Variants in CMYA5 observed in about 807,000 individuals in gnomAD.
CMYA5 encodes cardiomyopathy associated 5.
In CMYA5, 246 loss-of-function variants were observed where a neutral mutation model predicts 318.9. The observed-to-expected ratio is 0.77, with a 90% confidence interval of 0.70 to 0.86. The LOEUF is 0.86. CMYA5 is among the 40% of genes least tolerant of loss of function. The pLI is 0.00. For missense variants in CMYA5, 4,589 were observed against 4,678.2 expected (o/e 0.98, Z 0.56); for synonymous variants, 1,641 against 1,729.5 (o/e 0.95, Z 1.27).
At chr5:79,793,024 TTTC>T (rs1561232809) in intron 11 of CMYA5, among the ~76,000 whole-genome samples, 1 of 152,198 alleles carries the variant, frequency 6.6e-6, no homozygotes, top group Non-Finnish European at 1.5e-5. Context: ...GTTTTGGAGA[TTTC>T]TTTTTTTGCA....
chr5:79,734,874 C>T lies in CMYA5; in HGVS notation c.6109C>T (p.Gln2037Ter). The T allele has an allele frequency of 6.2e-7, 1 of 1,613,714 alleles. No homozygotes were observed. The highest frequency in any genetic ancestry group is 8.5e-7 in the Non-Finnish European group (1 of 1,179,782). ...TTCCTGGCCTTCCAAAGAAGATAGC[C>T]AGGAAAAAATTAAACTACCTCCTGA... The part of the protein sequence containing the change: ...ELSWPSKEDS[Q>*]EKIKLPPERF... The change falls in exon 2 of 13, where the codon CAG (glutamine) becomes TAG (stop). Residue 2037 changes from glutamine to a stop codon, truncating the protein, a stop_gained. Transcript: ENST00000446378. LOFTEE classifies it high-confidence loss of function.
Position 79,733,146 on chromosome 5 carries a change from T to C in CMYA5, c.4381T>C (p.Ser1461Pro). 6.2e-7 allele frequency: 1 copy of C among 1,613,820 alleles called. No homozygotes were observed. Residue 1461 changes from serine (S) to proline (P), a missense_variant, in exon 2 of 13, where the codon TCA becomes CCA. Transcript: ENST00000446378. ...CTCTATAGCAGAGCATTCTGTTTTG[T>C]CAGAAGTAGAAGCCAAAGAAGTTAA... is the stretch of plus-strand genomic sequence containing the variant. The part of the protein sequence containing the change: ...VSSIAEHSVL[S>P]EVEAKEVKAG...
At chr5:79,752,103 G>T (rs560913734) in intron 5 of CMYA5, among the ~76,000 whole-genome samples, 37 of 152,330 alleles carry the variant, frequency 2.4e-4, no homozygotes, top group South Asian at 8.3e-4. Context: ...TTTAGAAATT[G>T]TGGCTTGTTT....
At chr5:79,699,619 T>G (rs1827138112) in intron 1 of CMYA5, among the ~76,000 whole-genome samples, 2 of 152,252 alleles carry the variant, frequency 1.3e-5, no homozygotes, top group African/African-American at 4.8e-5. Context: ...CTGGGTGATA[T>G]AGTTGTGCCT....
chr5:79,777,102 T>A (rs937538456), intron 9 of CMYA5, among the ~76,000 whole-genome samples: 5 of 152,212 alleles, frequency 3.3e-5, no homozygotes, highest in Admixed American at 3.3e-4. Context: ...ATGTCCCCTT[T>A]GAGATTGTGC....
intron 12 of CMYA5, 144 bp downstream of exon 12, chr5:79,793,754 A>G (rs1829224377): frequency 2.8e-6 from 2 of 708,098 alleles, no homozygotes; most frequent in African/African-American, 1.8e-5. Context: ...AGTCAAGTAT[A>G]TGGAGATGAA....
In CMYA5 at chr5:79,745,368, C is replaced by T. The variant is rs1561216969; in HGVS notation, c.10881C>T (p.His3627=). Residue 3627 remains histidine (H), a synonymous_variant, in exon 4 of 13, where the codon CAC becomes CAT. Transcript: ENST00000446378. ...KMEFLHEQMV[H]FLQSMDTAKD... Reference sequence around the variant, plus strand: ...AGTTCCTGCATGAGCAGATGGTCCACTTTCTGCAGAGCATGGACACTGCCA... The same window carrying T: ...AGTTCCTGCATGAGCAGATGGTCCATTTTCTGCAGAGCATGGACACTGCCA... The T allele has an allele frequency of 6.2e-7, 1 of 1,613,952 alleles. No homozygotes were observed. Among genetic ancestry groups the T allele is most frequent in the East Asian group, 2.2e-5 (1 of 44,868 alleles).
At chr5:79,753,402 G>A (rs1828468799) in intron 6 of CMYA5, among the ~76,000 whole-genome samples, 1 of 152,104 alleles carries the variant, frequency 6.6e-6, no homozygotes, top group South Asian at 2.1e-4. Flanking sequence ...AAGCTGCCAT[G>A]TTTCAGTGAA....
chr5:79,761,943 C>G lies in CMYA5; in HGVS notation c.11393C>G (p.Ala3798Gly). ...FTGCSLPSERAIFRTAPSTPV... is the reference protein window; with the variant it reads ...FTGCSLPSERGIFRTAPSTPV... ...GGATGTAGCCTGCCCAGTGAAAGGG[C>G]CATCTTTAGGACAGGTAAGGAGATG... is the stretch of plus-strand genomic sequence containing the variant. The change falls in exon 8 of 13, where the codon GCC becomes GGC. Residue 3798 changes from alanine (A) to glycine (G), a missense_variant. Coordinates refer to ENST00000446378, the MANE Select transcript of CMYA5 (RefSeq NM_153610.5). 1 of 1,612,936 alleles carries G rather than the reference C, an allele frequency of 6.2e-7. No homozygotes were observed. Among genetic ancestry groups the G allele is most frequent in the Non-Finnish European group, 8.5e-7 (1 of 1,179,486 alleles).
chr5:79,735,448 A>G lies in CMYA5; in HGVS notation c.6683A>G (p.Asn2228Ser). 1.2e-6 allele frequency: 2 copies of G among 1,613,908 alleles called. No individual in the cohort carries two copies. The highest frequency in any genetic ancestry group is 1.1e-5 in the South Asian group (1 of 91,074). Residue 2228 changes from asparagine (N) to serine (S), a missense_variant, in exon 2 of 13, where the codon AAT becomes AGT. Physicochemically the swap from Asn to Ser is conservative, Grantham distance 46. This residue lies in a region of CMYA5 where 2,431 missense variants were observed against 2,495.1 expected (regional missense o/e 0.97). Coordinates refer to ENST00000446378, the MANE Select transcript of CMYA5 (RefSeq NM_153610.5). ...GAAGGTACAATTCCCACCAATTTTA[A>G]TGTAGCTGAGAAACCAGCTGATCAT... ...DPEGTIPTNFNVAEKPADHSL... is the reference protein window; with the variant it reads ...DPEGTIPTNFSVAEKPADHSL...
At chr5:79,758,930 C>CATATGCATGA in intron 7 of CMYA5, 28 bp downstream of exon 7, 6 of 1,515,128 alleles carry the variant, frequency 4.0e-6, no homozygotes, top group African/African-American at 1.4e-5. Context: ...AATACAAATG[C>CATATGCATGA]ATATGCATAT....
intron 1 of CMYA5, among the ~76,000 whole-genome samples, chr5:79,706,989 CTCT>C (rs1171022978): frequency 6.6e-6 from 1 of 152,184 alleles, no homozygotes; most frequent in Non-Finnish European, 1.5e-5. Context: ...GTACAAATAA[CTCT>C]TCTTAGTTTT....
chr5:79,728,044 A>G (rs981777938), intron 1 of CMYA5, among the ~76,000 whole-genome samples: 1 of 152,250 alleles, frequency 6.6e-6, no homozygotes, highest in Non-Finnish European at 1.5e-5. Flanking sequence ...GCATGAGTTA[A>G]CTAATTTAAT....
At chr5:79,765,799 T>C (rs1436411204) in intron 9 of CMYA5, among the ~76,000 whole-genome samples, 1 of 152,220 alleles carries the variant, frequency 6.6e-6, no homozygotes, top group Non-Finnish European at 1.5e-5. Flanking sequence ...TTGTCTATTA[T>C]GGTTGTACAG....
Position 79,737,850 on chromosome 5 carries a change from GAA to G in CMYA5, c.9086_9087del (p.Glu3029GlyfsTer9), listed in dbSNP as rs1305157883. Reference protein sequence around the residue: ...NKQKETHKTKEEISTDSETDL... With the variant: ...NKQKETHKTKXEISTDSETDL... Reference sequence around the variant, plus strand: ...ACAAAAGGAAACTCATAAGACAAAAGAAGAGATATCCACAGATTCAGAAACTG... The same window carrying G: ...ACAAAAGGAAACTCATAAGACAAAAGGAGATATCCACAGATTCAGAAACTG... On this transcript the variant is annotated frameshift_variant, in exon 2 of 13. Coordinates refer to ENST00000446378, the MANE Select transcript of CMYA5 (RefSeq NM_153610.5). LOFTEE classifies it high-confidence loss of function. 1 of 1,601,976 alleles carries G rather than the reference GAA, an allele frequency of 6.2e-7. No homozygotes were observed. The highest frequency in any genetic ancestry group is 8.5e-7 in the Non-Finnish European group (1 of 1,176,998).
chr5:79,748,515 A>T (rs531843765), intron 5 of CMYA5, among the ~76,000 whole-genome samples: 1 of 110,694 alleles, frequency 9.0e-6, no homozygotes, highest in Admixed American at 8.8e-5. Context: ...CTATCTATCT[A>T]TCTACCTATC....
chr5:79,775,278 C>G (rs533180369), intron 9 of CMYA5, among the ~76,000 whole-genome samples: 139 of 152,248 alleles, frequency 9.1e-4, no homozygotes, highest in Non-Finnish European at 1.6e-3. Context: ...CGTACAACAC[C>G]TCCTAGTTGT....
chr5:79,715,319 GCT>G (rs1469480038), intron 1 of CMYA5, among the ~76,000 whole-genome samples: 4 of 150,920 alleles, frequency 2.7e-5, no homozygotes, highest in African/African-American at 4.9e-5. Context: ...ACAGAGTCTC[GCT>G]CTGTCACCCA....
intron 1 of CMYA5, among the ~76,000 whole-genome samples, chr5:79,725,170 G>A (rs1465504656): frequency 6.6e-6 from 1 of 152,158 alleles, no homozygotes; most frequent in African/African-American, 2.4e-5. Flanking sequence ...GTACACTTAT[G>A]TTCATTGCAG....
Sources: allele counts gnomAD v4.1 joint callset (sites outside exome capture counted in the v4.1 genomes callset), GRCh38; gene constraint gnomAD v4.1.1; regional missense constraint gnomAD v4.1.1; transcripts MANE v1.5; gene names NCBI Gene and HGNC (gene_info 2026-07-23, HGNC 2026-07-21).